The following ARID1B variants were observed in gnomAD, a reference collection of about 807,000 sequenced individuals.
ARID1B encodes AT-rich interactive domain-containing protein 1B.
ARID1B carries 30 observed loss-of-function variants against 212.3 expected under a neutral mutation model. The observed-to-expected ratio is 0.14, with a 90% CI of 0.11 to 0.19. The LOEUF is 0.19. Among genes scored for constraint, ARID1B ranks in the 10% least tolerant of loss-of-function variants. The pLI is 1.00. For missense variants in ARID1B, 2,891 were observed against 3,204.0 expected, an observed-to-expected ratio of 0.90 and a Z score of 2.36; for synonymous variants, 1,402 against 1,301.7, an observed-to-expected ratio of 1.08 and a Z score of -1.66.
chr6:157,039,867 T>C (rs373833529), intron 4 of ARID1B, among the ~76,000 whole-genome samples: 3 of 79,334 alleles, frequency 3.8e-5, no homozygotes, highest in Middle Eastern at 6.0e-3. Flanking sequence ...TTTCTCTCTC[T>C]TTCTCTTTCT....
At chr6:157,114,295 G>T (rs186249206) in intron 6 of ARID1B, among the ~76,000 whole-genome samples, 1 of 151,948 alleles carries the variant, frequency 6.6e-6, no homozygotes, top group Non-Finnish European at 1.5e-5. Flanking sequence ...GGTTGAGGCG[G>T]GTGGATCACT....
At chr6:157,176,912 T>C (rs1792140569) in intron 11 of ARID1B, among the ~76,000 whole-genome samples, 1 of 152,222 alleles carries the variant, frequency 6.6e-6, no homozygotes, top group Non-Finnish European at 1.5e-5. Context: ...TATTATATTG[T>C]TTAAAACTTT....
chr6:156,817,417 C>G (rs1782044517), intron 1 of ARID1B, among the ~76,000 whole-genome samples: 1 of 152,070 alleles, frequency 6.6e-6, no homozygotes, highest in Admixed American at 6.5e-5. Context: ...AGGAGGATCA[C>G]TTGAGCCCAG....
intron 4 of ARID1B, among the ~76,000 whole-genome samples, chr6:157,039,322 C>CT (rs1003131791): frequency 0.055 from 5,705 of 102,904 alleles, 953 homozygotes; most frequent in Non-Finnish European, 0.063. Context: ...TTTGACATTT[C>CT]TTTTTTTTTT....
intron 1 of ARID1B, among the ~76,000 whole-genome samples, chr6:156,817,862 A>G (rs1243593791): frequency 6.6e-6 from 1 of 152,128 alleles, no homozygotes; most frequent in Admixed American, 6.5e-5. Flanking sequence ...TAGGTTGTAT[A>G]CATTCCGCTT....
At position 156,777,781 on chromosome 6, in the gene ARID1B, C is replaced by A; in HGVS notation, c.101C>A (p.Ala34Glu). Residue 34 changes from alanine to glutamate, a missense_variant, in exon 1 of 20, where the codon GCG (alanine) becomes GAG (glutamate). Coordinates refer to ENST00000636930, the MANE Select transcript of ARID1B (RefSeq NM_001374828.1). ...ERRAPPGPRPAPGARDLEAGA... is the reference protein window; with the variant it reads ...ERRAPPGPRPEPGARDLEAGA... ...CGGGCGCCCCCCGGGCCGCGGCCGG[C>A]GCCCGGAGCCCGGGACCTGGAGGCG... is the stretch of plus-strand genomic sequence containing the variant. 1.1e-6 allele frequency: 1 copy of A among 888,032 alleles called. No individual in the cohort carries two copies. Among genetic ancestry groups the A allele is most frequent in the Non-Finnish European group, 1.3e-6 (1 of 745,500 alleles). 55.0% of individuals were successfully genotyped at this position (888,032 alleles called of 1,614,324 possible).
rs560887449 is a variant in ARID1B, at chr6:156,899,557, G to T, written c.1987-1819G>T. Among the ~76,000 whole-genome samples the T allele has an allele frequency of 2.6e-5, 4 of 152,306 alleles. No homozygotes were observed. In the South Asian group the frequency reaches 6.2e-4, roughly 24 times the overall value. Reference sequence around the variant, plus strand: ...CACCCAGGTCTCGGTTTGCTCAGTCGTGTAGGTGGTTGCTCCAGTGAAGAT... The same window carrying T: ...CACCCAGGTCTCGGTTTGCTCAGTCTTGTAGGTGGTTGCTCCAGTGAAGAT... On this transcript the variant is annotated intron_variant, in intron 2 of 19. Transcript: ENST00000636930.
chr6:157,091,070 A>G (rs1482251856), intron 5 of ARID1B, among the ~76,000 whole-genome samples: 2 of 152,190 alleles, frequency 1.3e-5, no homozygotes, highest in Non-Finnish European at 2.9e-5. Flanking sequence ...GTCCTTTGAA[A>G]AGGATCACAG....
intron 4 of ARID1B, among the ~76,000 whole-genome samples, chr6:157,078,528 T>G (rs1452335349): frequency 1.3e-5 from 2 of 152,212 alleles, no homozygotes; most frequent in African/African-American, 4.8e-5. Context: ...CAAAAGAGCT[T>G]GAAAACTGAG....
intron 2 of ARID1B, among the ~76,000 whole-genome samples, chr6:156,879,994 A>G (rs1786911761): frequency 6.6e-6 from 1 of 152,232 alleles, no homozygotes; most frequent in Non-Finnish European, 1.5e-5. Context: ...CCAGCATTAG[A>G]AGATTTCCAA....
chr6:156,937,036 G>A (rs1195154321), intron 4 of ARID1B: 1 of 151,454 alleles, frequency 6.6e-6, no homozygotes. Flanking sequence ...GTGAGAGAGG[G>A]TGAAATCTTA....
intron 2 of ARID1B, among the ~76,000 whole-genome samples, chr6:156,878,748 A>C (rs908866571): frequency 1.3e-5 from 2 of 152,230 alleles, no homozygotes; most frequent in Admixed American, 6.5e-5. Context: ...AAGAGGGTTC[A>C]TAGCTTGGGC....
chr6:156,791,179 A>G (rs548404558), intron 1 of ARID1B, among the ~76,000 whole-genome samples: 4 of 152,362 alleles, frequency 2.6e-5, no homozygotes, highest in South Asian at 2.1e-4. Flanking sequence ...CTGGCTGTCA[A>G]TATGTTGAAG....
In ARID1B at chr6:156,796,058, G is replaced by T. The variant is rs151006744; in HGVS notation, c.1791+16587G>T. ...CTCATGCCTGTTGTCTGGGTTTTCA[G>T]CGTGTGTGCTCCTCATCTGCTTTCT... On this transcript the variant is annotated intron_variant, in intron 1 of 19. Transcript: ENST00000636930. Among the ~76,000 whole-genome samples, 5 of 152,266 alleles carry T rather than the reference G, an allele frequency of 3.3e-5. No individual in the cohort carries two copies. In the East Asian group the frequency reaches 9.7e-4, roughly 29 times the overall value.
intron 5 of ARID1B, chr6:157,107,854 A>G (rs1000583712): frequency 2.0e-5 from 3 of 152,244 alleles, no homozygotes; most frequent in Non-Finnish European, 4.4e-5. Flanking sequence ...CACATGTCAT[A>G]TAAAAATCTG....
At position 157,194,535 on chromosome 6, in the gene ARID1B, G is replaced by A. The variant is rs1161713932; in HGVS notation, c.4232-1630G>A. On this transcript the variant is annotated intron_variant, in intron 15 of 19. Transcript: ENST00000636930. ...ATTAAAATGTTTAATTTGCCTTCAG[G>A]CTAGTTTCTGGACTGAACACAATTT... The A allele has an allele frequency of 2.0e-5, 3 of 152,188 alleles. No individual in the cohort carries two copies. In the East Asian group the frequency reaches 5.8e-4, roughly 29 times the overall value. The allele number at this position is 152,188 out of a possible 1,614,324, so 9.4% of individuals were successfully genotyped here.
intron 4 of ARID1B, among the ~76,000 whole-genome samples, chr6:156,991,021 T>A (rs1778245284): frequency 6.6e-6 from 1 of 152,186 alleles, no homozygotes; most frequent in Non-Finnish European, 1.5e-5. Context: ...CTCATTTAAT[T>A]TTCATGACAT....
At position 157,209,269 on chromosome 6, in the gene ARID1B, T is replaced by C. The variant is rs1406340678; in HGVS notation, c.*1378T>C. The C allele has an allele frequency of 4.3e-6, 1 of 232,208 alleles. No individual in the cohort carries two copies. The highest frequency in any genetic ancestry group is 2.2e-5 in the African/African-American group (1 of 45,276). 14.4% of individuals were successfully genotyped at this position (232,208 alleles called of 1,614,324 possible). On this transcript the variant is annotated 3_prime_UTR_variant, in exon 20 of 20. Transcript: ENST00000636930. ...CATTAAATCTTGTTAAGCACTGTGA[T>C]GGGTGTTCTTGAATACTGTTCTAGT... is the stretch of plus-strand genomic sequence containing the variant.
chr6:156,897,778 A>G (rs989667781), intron 2 of ARID1B, among the ~76,000 whole-genome samples: 3 of 152,100 alleles, frequency 2.0e-5, no homozygotes, highest in Non-Finnish European at 2.9e-5. Context: ...CTGTTAGTGT[A>G]CCATTCAGTG....
Sources: allele counts gnomAD v4.1 joint callset (sites outside exome capture counted in the v4.1 genomes callset), GRCh38; gene constraint gnomAD v4.1.1; transcripts MANE v1.5; gene names NCBI Gene and HGNC (gene_info 2026-07-23, HGNC 2026-07-21).